Variants in TXNRD3 observed in about 807,000 individuals in gnomAD.
TXNRD3 encodes TXNRD3 neighbor gene protein.
In TXNRD3, 68 loss-of-function variants were observed where a neutral mutation model predicts 78.2. The observed-to-expected ratio is 0.87, with a 90% CI of 0.72 to 1.06. TXNRD3 has a LOEUF of 1.06. Among genes scored for constraint, TXNRD3 ranks in the 50% least tolerant of loss-of-function variants. TXNRD3 has a pLI of 0.00. For synonymous variants in TXNRD3, 296 were observed against 300.1 expected, an observed-to-expected ratio of 0.99 and a Z score of 0.14; for missense variants, 751 against 809.5, an observed-to-expected ratio of 0.93 and a Z score of 0.88.
chr3:126,614,738 T>C (rs937069425), intron 13 of TXNRD3, among the ~76,000 whole-genome samples: 2 of 152,184 alleles, frequency 1.3e-5, no homozygotes, highest in African/African-American at 2.4e-5. Flanking sequence ...AATTAAATCA[T>C]ACAATCAAGG....
In TXNRD3 at chr3:126,631,844, A is replaced by T. The variant is rs553590048; in HGVS notation, c.891T>A (p.Thr297=). The T allele has an allele frequency of 4.8e-5, 74 of 1,535,980 alleles. No individual in the cohort carries two copies. In the Admixed American group the frequency reaches 9.6e-4, roughly 20 times the overall value. The change falls in exon 8 of 16, where the codon ACT becomes ACA. Residue 297 remains threonine, a synonymous_variant. Coordinates refer to ENST00000524230, the MANE Select transcript of TXNRD3 (RefSeq NM_052883.3). Reference sequence around the variant, plus strand: ...CCGTTGCTATGACAAACTGTGCAGCAGTATAATAAGTCTCCTGTCCTTTTT... The same window carrying T: ...CCGTTGCTATGACAAACTGTGCAGCTGTATAATAAGTCTCCTGTCCTTTTT...
At chr3:126,636,716 T>C (rs13075623) in intron 6 of TXNRD3, among the ~76,000 whole-genome samples, 5,434 of 152,234 alleles carry the variant, frequency 0.036, 126 homozygotes, top group African/African-American at 0.059. Flanking sequence ...CTCTATGGGG[T>C]ATAGTTTTCT....
In TXNRD3 at chr3:126,642,064, G is replaced by C; in HGVS notation, c.680C>G (p.Ser227Ter). ...ATTATATTCCCAGCCAAATTTCCTT[G>C]AGTCACATAATGCCTGCCCCAAAAG... The change falls in exon 6 of 16, where the codon TCA (serine) becomes TGA (stop). Residue 227 changes from serine (S) to a stop codon, truncating the protein, a stop_gained. Transcript: ENST00000524230. LOFTEE classifies it high-confidence loss of function. 1 of 1,535,372 alleles carries C rather than the reference G, an allele frequency of 6.5e-7. No homozygotes were observed. The highest frequency in any genetic ancestry group is 1.4e-5 in the African/African-American group (1 of 73,048).
Position 126,627,550 on chromosome 3 carries a change from C to T in TXNRD3, c.1290+1829G>A, listed in dbSNP as rs995003061. On this transcript the variant is annotated intron_variant, in intron 10 of 15. Coordinates refer to ENST00000524230, the MANE Select transcript of TXNRD3 (RefSeq NM_052883.3). ...TGGATTTCACTACATGTATATTATACCTCATTACAAAAATAATTTACAGTT... is the reference window on the plus strand; with the variant it reads ...TGGATTTCACTACATGTATATTATATCTCATTACAAAAATAATTTACAGTT... Among the ~76,000 whole-genome samples the T allele has an allele frequency of 2.0e-5, 3 of 152,090 alleles. No homozygotes were observed. The South Asian group carries it at 6.2e-4, about 31-fold the overall frequency.
At chr3:126,645,312 C>A (rs1933200238) in intron 3 of TXNRD3, among the ~76,000 whole-genome samples, 1 of 152,212 alleles carries the variant, frequency 6.6e-6, no homozygotes, top group Non-Finnish European at 1.5e-5. Flanking sequence ...CTCTCTGCAT[C>A]TACAGATTTA....
intron 9 of TXNRD3, among the ~76,000 whole-genome samples, chr3:126,630,163 G>A (rs1471545603): frequency 6.6e-6 from 1 of 152,250 alleles, no homozygotes; most frequent in Non-Finnish European, 1.5e-5. Flanking sequence ...AGCGCATGCT[G>A]CCAAGAGGCC....
chr3:126,624,481 C>T (rs948588946), intron 10 of TXNRD3, among the ~76,000 whole-genome samples: 11 of 151,142 alleles, frequency 7.3e-5, no homozygotes, highest in African/African-American at 1.2e-4. Flanking sequence ...AGTGCAGTGG[C>T]GTGATCTCGG....
Position 126,630,751 on chromosome 3 carries a change from C to T in TXNRD3, c.1158G>A (p.Gln386=), listed in dbSNP as rs756705935. ...ATTTCCGTAGGAACTTCACACCATG[C>T]TGCTCCATGTAGGAACCCACTTTTT... The change falls in exon 9 of 16, where the codon CAG becomes CAA. Residue 386 remains glutamine, a synonymous_variant. Coordinates refer to ENST00000524230, the MANE Select transcript of TXNRD3 (RefSeq NM_052883.3). The T allele has an allele frequency of 2.5e-5, 39 of 1,534,294 alleles. No individual in the cohort carries two copies. The highest frequency in any genetic ancestry group is 3.4e-5 in the Non-Finnish European group (39 of 1,146,888).
chr3:126,634,042 T>C lies in TXNRD3; in HGVS notation c.722A>G (p.Asn241Ser). The C allele has an allele frequency of 2.0e-6, 3 of 1,501,072 alleles. 1 individual carries two copies. Among genetic ancestry groups the C allele is most frequent in the Non-Finnish European group, 8.8e-7 (1 of 1,130,874 alleles). The allele number at this position is 1,501,072 out of a possible 1,614,324, so 93.0% of individuals were successfully genotyped here. A position where few individuals can be genotyped will look rare whatever the true frequency, so the allele number is the denominator to read the frequency against. ...AATCGCTTTTGTCATTGTCTCCCAG[T>C]TGTGCCTCACTAAGAAGAAATAATC... Residue 241 changes from asparagine to serine, a missense_variant, in exon 7 of 16, where the codon AAC becomes AGC. Transcript: ENST00000524230.
chr3:126,648,900 G>A (rs1040192783), intron 1 of TXNRD3, among the ~76,000 whole-genome samples: 3 of 152,172 alleles, frequency 2.0e-5, no homozygotes, highest in Non-Finnish European at 4.4e-5. Context: ...ATCTACTCAG[G>A]AGGCTGAGGC....
rs887095906 is a variant in TXNRD3, at chr3:126,608,677, G to C, written c.1729-44C>G. The C allele has an allele frequency of 4.6e-6, 7 of 1,517,592 alleles. No homozygotes were observed. The African/African-American group carries it at 9.7e-5, about 21-fold the overall frequency. 94.0% of individuals were successfully genotyped at this position (1,517,592 alleles called of 1,614,324 possible). On this transcript the variant is annotated intron_variant, in intron 14 of 15. Transcript: ENST00000524230. The stretch of plus-strand genomic sequence containing the variant: ...ACAAAGAGAATCCCAGTAGGTTAAT[G>C]GTCTGAATATGGATCCATTCACTGC...
At chr3:126,646,007 C>G in intron 3 of TXNRD3, 104 bp downstream of exon 3, 1 of 816,974 alleles carries the variant, frequency 1.2e-6, no homozygotes, top group Non-Finnish European at 1.8e-6. Context: ...CATTTTATAA[C>G]TTCCAAAAGA....
chr3:126,611,260 C>T lies in TXNRD3; in HGVS notation c.1633-128G>A, dbSNP rs1938193288. 2.8e-5 allele frequency: 14 copies of T among 500,624 alleles called. No homozygotes were observed. In the East Asian group the frequency reaches 4.8e-4, roughly 17 times the overall value. The allele number at this position is 500,624 out of a possible 1,614,324, so 31.0% of individuals were successfully genotyped here. Reference sequence around the variant, plus strand: ...TCGGAAATTCAAAGTTCAGTGACCCCAACTTTATGTATCTGTTGGGAGCCC... The same window carrying T: ...TCGGAAATTCAAAGTTCAGTGACCCTAACTTTATGTATCTGTTGGGAGCCC... On this transcript the variant is annotated intron_variant, in intron 13 of 15. Transcript: ENST00000524230.
chr3:126,619,773 C>T (rs937914470), intron 12 of TXNRD3, among the ~76,000 whole-genome samples: 4 of 152,126 alleles, frequency 2.6e-5, no homozygotes, highest in African/African-American at 9.7e-5. Flanking sequence ...TGCTAACTAC[C>T]CTGATTTGAT....
intron 10 of TXNRD3, among the ~76,000 whole-genome samples, chr3:126,626,756 A>T (rs1292900479): frequency 1.3e-5 from 2 of 152,220 alleles, no homozygotes; most frequent in East Asian, 3.9e-4. Flanking sequence ...CCATCCCATG[A>T]TCAAGCAATT....
chr3:126,632,947 G>A (rs934819240), intron 7 of TXNRD3, among the ~76,000 whole-genome samples: 9 of 152,266 alleles, frequency 5.9e-5, no homozygotes, highest in African/African-American at 1.7e-4. Flanking sequence ...CTTGGTTGGG[G>A]CTTATTCAAC....
At chr3:126,633,614 G>A (rs1218990451) in intron 7 of TXNRD3, among the ~76,000 whole-genome samples, 1 of 152,084 alleles carries the variant, frequency 6.6e-6, no homozygotes, top group Non-Finnish European at 1.5e-5. Flanking sequence ...GATCTTTTTA[G>A]TCTTTTAAAC....
chr3:126,654,635 A>T, intron 1 of TXNRD3, 113 bp downstream of exon 1: 1 of 550,826 alleles, frequency 1.8e-6, no homozygotes, highest in Non-Finnish European at 2.5e-6. Context: ...GGCTGACCTC[A>T]CCGCCGCAGC....
At chr3:126,649,990 A>T (rs1162604040) in intron 1 of TXNRD3, among the ~76,000 whole-genome samples, 4 of 152,262 alleles carry the variant, frequency 2.6e-5, no homozygotes, top group African/African-American at 9.6e-5. Context: ...ATAGTTAAAA[A>T]TGGTAAGTTT....
Sources: allele counts gnomAD v4.1 joint callset (sites outside exome capture counted in the v4.1 genomes callset), GRCh38; gene constraint gnomAD v4.1.1; transcripts MANE v1.5; gene names NCBI Gene and HGNC (gene_info 2026-07-23, HGNC 2026-07-21).